The following TRUB2 variants were observed in gnomAD, a reference collection of about 807,000 sequenced individuals.
TRUB2 encodes pseudouridylate synthase TRUB2, mitochondrial.
A neutral mutation model predicts 31.9 loss-of-function variants in TRUB2; 31 were observed. That is an observed-to-expected ratio of 0.97 (90% CI 0.73 to 1.31). TRUB2 has a LOEUF of 1.31. Among genes scored for constraint, TRUB2 ranks in the 50% most tolerant of loss-of-function variants. TRUB2 has a pLI of 0.00. For synonymous variants in TRUB2, 201 were observed against 182.6 expected (o/e 1.10, Z -0.81); for missense variants, 451 against 439.6 (o/e 1.03, Z -0.23).
At position 128,321,680 on chromosome 9, in the gene TRUB2, G is replaced by C. The variant is rs768863933; in HGVS notation, c.160C>G (p.Leu54Val). The C allele has an allele frequency of 6.2e-7, 1 of 1,613,862 alleles. No individual in the cohort carries two copies. Among genetic ancestry groups the C allele is most frequent in the Non-Finnish European group, 8.5e-7 (1 of 1,180,046 alleles). The change falls in exon 2 of 8, where the codon CTG becomes GTG. Residue 54 changes from leucine to valine, a missense_variant. Physicochemically the swap from Leu to Val is conservative, Grantham distance 32. Coordinates refer to ENST00000372890, the MANE Select transcript of TRUB2 (RefSeq NM_015679.3). ...TCTTCGCTGCCTTCCATGGGGCCCA[G>C]CAAGAAGCGAACACGCTGTTTAGGA... ...PAPKQRVRFL[L>V]GPMEGSEEKE... is the part of the protein sequence containing the mutation.
intron 5 of TRUB2, among the ~76,000 whole-genome samples, chr9:128,311,998 G>C (rs949620172): frequency 2.6e-5 from 4 of 151,598 alleles, no homozygotes; most frequent in Admixed American, 1.3e-4. Flanking sequence ...ACCACGTCCG[G>C]CTAATTTTTT....
In TRUB2 at chr9:128,308,876, A is replaced by G. The variant is rs1364434274; in HGVS notation, c.*674T>C. On this transcript the variant is annotated 3_prime_UTR_variant, in exon 8 of 8. Coordinates refer to ENST00000372890, the MANE Select transcript of TRUB2 (RefSeq NM_015679.3). The stretch of plus-strand genomic sequence containing the variant: ...CAGTGAGCAAAGATGGCGCCACTGC[A>G]CTCCAGCCTGGGCAACAACAGAAAA... The G allele has an allele frequency of 6.6e-6, 1 of 152,204 alleles. No individual in the cohort carries two copies. The highest frequency in any genetic ancestry group is 1.5e-5 in the Non-Finnish European group (1 of 68,092). The allele number at this position is 152,204 out of a possible 1,614,324, so 9.4% of individuals were successfully genotyped here.
At position 128,311,536 on chromosome 9, in the gene TRUB2, G is replaced by A; in HGVS notation, c.526C>T (p.Leu176=). The change falls in exon 6 of 8, where the codon CTG becomes TTG. Residue 176 remains leucine, a synonymous_variant. Coordinates refer to ENST00000372890, the MANE Select transcript of TRUB2 (RefSeq NM_015679.3). ...CCTGAGGGCCCTACTCACATCACCA[G>A]GGCCTTCTGATGGGAGCCTTGGATA... is the stretch of plus-strand genomic sequence containing the variant. ...AVIQGSHQKA[L]VMYSNLDLKT... is the part of the protein sequence containing the mutation. The A allele has an allele frequency of 6.2e-7, 1 of 1,614,108 alleles. No individual in the cohort carries two copies. The highest frequency in any genetic ancestry group is 1.3e-5 in the African/African-American group (1 of 75,040).
intron 5 of TRUB2, among the ~76,000 whole-genome samples, chr9:128,313,480 G>A (rs1379031402): frequency 7.2e-6 from 1 of 138,018 alleles, no homozygotes; most frequent in Admixed American, 7.6e-5. Context: ...TGCTTGCAGC[G>A]AGCTGAGATC....
In TRUB2 at chr9:128,315,829, C is replaced by T. The variant is rs1832059345; in HGVS notation, c.317-201G>A. 1.0e-5 allele frequency: 6 copies of T among 594,982 alleles called. No individual in the cohort carries two copies. In the Admixed American group the frequency reaches 1.6e-4, roughly 16 times the overall value. The allele number at this position is 594,982 out of a possible 1,614,324, so 36.9% of individuals were successfully genotyped here. A position where few individuals can be genotyped will look rare whatever the true frequency, so the allele number is the denominator to read the frequency against. On this transcript the variant is annotated intron_variant, in intron 3 of 7. Transcript: ENST00000372890. ...CAGATTGCTGGGCCTTACCCATATG[C>T]ACTGAATCTGACTCATGGTTGGAGG...
chr9:128,305,179 T>C lies in TRUB2; in HGVS notation c.*4371A>G, dbSNP rs2131436364. 1 of 152,292 alleles carries C rather than the reference T, an allele frequency of 6.6e-6. No individual in the cohort carries two copies. Among genetic ancestry groups the C allele is most frequent in the South Asian group, 2.1e-4 (1 of 4,820 alleles). The allele number at this position is 152,292 out of a possible 1,614,324, so 9.4% of individuals were successfully genotyped here. A position where few individuals can be genotyped will look rare whatever the true frequency, so the allele number is the denominator to read the frequency against. Reference sequence around the variant, plus strand: ...GTGAGTGTCGTTTTAATCCCCATTTTATAGATAGGTGACAGCTTCAGAGGC... The same window carrying C: ...GTGAGTGTCGTTTTAATCCCCATTTCATAGATAGGTGACAGCTTCAGAGGC... On this transcript the variant is annotated 3_prime_UTR_variant, in exon 8 of 8. Transcript: ENST00000372890.
At chr9:128,313,727 G>A in intron 5 of TRUB2, 81 bp downstream of exon 5, 1 of 1,258,922 alleles carries the variant, frequency 7.9e-7, no homozygotes, top group East Asian at 2.3e-5. Flanking sequence ...CTGAGAAGGG[G>A]CCAGCGTGGC....
At chr9:128,316,409 A>G (rs1214950056) in intron 3 of TRUB2, 2 of 151,528 alleles carry the variant, frequency 1.3e-5, no homozygotes, top group Non-Finnish European at 2.9e-5. Context: ...AAAAAAAAAT[A>G]CTGATTCCTG....
intron 2 of TRUB2, among the ~76,000 whole-genome samples, chr9:128,321,379 T>C (rs969915844): frequency 2.0e-5 from 3 of 152,224 alleles, no homozygotes; most frequent in Admixed American, 6.5e-5. Context: ...TGGCACTACA[T>C]TGGCAGAGTT....
chr9:128,313,743 G>A (rs1024065561), intron 5 of TRUB2, 65 bp downstream of exon 5: 2 of 1,465,990 alleles, frequency 1.4e-6, no homozygotes, highest in Admixed American at 1.7e-5. Context: ...GTGGCCTAGG[G>A]CGGGGAGAGG....
rs1456029323 is a variant in TRUB2, at chr9:128,309,534, G to C, written c.*16C>G. Reference sequence around the variant, plus strand: ...TTCTATTTATCCATCCACTGCCCCAGGAGCTGCCTGGGCATTCACTGCCCC... The same window carrying C: ...TTCTATTTATCCATCCACTGCCCCACGAGCTGCCTGGGCATTCACTGCCCC... On this transcript the variant is annotated 3_prime_UTR_variant, in exon 8 of 8. Transcript: ENST00000372890. 6.3e-7 allele frequency: 1 copy of C among 1,597,638 alleles called. No homozygotes were observed.
At chr9:128,314,166 T>C (rs541320149) in intron 4 of TRUB2, among the ~76,000 whole-genome samples, 6 of 152,204 alleles carry the variant, frequency 3.9e-5, no homozygotes, top group Non-Finnish European at 7.3e-5. Context: ...CAGCAGGACA[T>C]GGTACCTGGC....
intron 1 of TRUB2, 67 bp downstream of exon 1, chr9:128,322,233 A>G: frequency 7.2e-7 from 1 of 1,387,690 alleles, no homozygotes; most frequent in Non-Finnish European, 1.0e-6. Context: ...TGGGGTAAGG[A>G]CCAGAAGCGG....
intron 5 of TRUB2, among the ~76,000 whole-genome samples, chr9:128,312,907 C>G (rs1046174714): frequency 6.6e-6 from 1 of 151,848 alleles, no homozygotes; most frequent in African/African-American, 2.4e-5. Context: ...CCACTGCGCC[C>G]GGCCTCTTTT....
At position 128,321,604 on chromosome 9, in the gene TRUB2, G is replaced by A. The variant is rs2231630; in HGVS notation, c.236C>T (p.Pro79Leu). Residue 79 changes from proline to leucine, a missense_variant, in exon 2 of 8, where the codon CCA becomes CTA. Coordinates refer to ENST00000372890, the MANE Select transcript of TRUB2 (RefSeq NM_015679.3). Reference protein sequence around the residue: ...ATSVPSFINHPLVCGPAFAHL... With the variant: ...ATSVPSFINHLLVCGPAFAHL... ...CCTGCTTAAATCTGCCTTACCCAGT[G>A]GATGGTTGATGAAAGAGGGTACGCT... 1,377 of 1,613,998 alleles carry A rather than the reference G, an allele frequency of 8.5e-4. 11 individuals carry two copies. The African/African-American group carries it at 0.014, about 17-fold the overall frequency.
Position 128,311,612 on chromosome 9 carries a change from C to A in TRUB2, c.461-11G>T. 6.2e-7 allele frequency: 1 copy of A among 1,613,890 alleles called. No individual in the cohort carries two copies. The highest frequency in any genetic ancestry group is 8.5e-7 in the Non-Finnish European group (1 of 1,179,930). ...CTCTGGTCACGTGGTCTGGAAAAGG[C>A]AGGGGGTTGTCAATGTACAGGTACC... On this transcript the variant is annotated splice_polypyrimidine_tract_variant and intron_variant, in intron 5 of 7. Coordinates refer to ENST00000372890, the MANE Select transcript of TRUB2 (RefSeq NM_015679.3).
Position 128,306,727 on chromosome 9 carries a change from T to C in TRUB2, c.*2823A>G, listed in dbSNP as rs1268337397. 3 of 149,496 alleles carry C rather than the reference T, an allele frequency of 2.0e-5. No individual in the cohort carries two copies. Among genetic ancestry groups the C allele is most frequent in the Non-Finnish European group, 4.4e-5 (3 of 67,564 alleles). The allele number at this position is 149,496 out of a possible 1,614,324, so 9.3% of individuals were successfully genotyped here. ...CTGGGATTACAGGCGTGAGCCACCG[T>C]GCCCAGCCTTTTTTTTTTTCTTTTC... is the stretch of plus-strand genomic sequence containing the variant. On this transcript the variant is annotated 3_prime_UTR_variant, in exon 8 of 8. Transcript: ENST00000372890.
intron 2 of TRUB2, 35 bp downstream of exon 2, chr9:128,321,564 A>T: frequency 6.2e-7 from 1 of 1,611,712 alleles, no homozygotes; most frequent in Non-Finnish European, 8.5e-7. Flanking sequence ...TTTCCTGGGA[A>T]GTGACACACA....
chr9:128,310,825 C>G (rs749749828), intron 7 of TRUB2, 62 bp downstream of exon 7: 26 of 1,603,428 alleles, frequency 1.6e-5, no homozygotes, highest in Non-Finnish European at 2.1e-5. Context: ...CAAGAGCGTT[C>G]CTGAGTGACT....
Sources: gnomAD v4.1 joint callset for allele counts (sites outside exome capture counted in the v4.1 genomes callset) on GRCh38, gnomAD v4.1.1 for gene constraint, MANE v1.5 for transcripts, NCBI Gene and HGNC (gene_info 2026-07-23, HGNC 2026-07-21) for gene names.